Variants in ZNF276 observed in about 807,000 individuals in gnomAD.
The protein encoded by ZNF276 is zinc finger protein 276.
A neutral mutation model predicts 63.9 loss-of-function variants in ZNF276; 59 were observed. The observed-to-expected ratio is 0.92, with a 90% CI of 0.75 to 1.15. The LOEUF is 1.15. Among genes scored for constraint, ZNF276 ranks in the 50% most tolerant of loss-of-function variants. The pLI, the probability that ZNF276 is intolerant of heterozygous loss-of-function variation, is 0.00. For missense variants in ZNF276, 1,084 were observed against 843.8 expected (o/e 1.28, Z -3.53); for synonymous variants, 496 against 348.4 (o/e 1.42, Z -4.72).
intron 8 of ZNF276, 124 bp from the exon 9 acceptor site, chr16:89,733,797 C>T (rs764487897): frequency 1.6e-5 from 15 of 948,074 alleles, no homozygotes; most frequent in African/African-American, 3.3e-5. Context: ...GTGAAGGAGC[C>T]AGTGGTGTCG....
chr16:89,738,142 C>G lies in ZNF276; in HGVS notation c.1741C>G (p.Gln581Glu). ...VHMSMVHPLTQTQDKALPLEA... is the reference protein window; with the variant it reads ...VHMSMVHPLTETQDKALPLEA... ...CATGTCCATGGTGCACCCGCTGACA[C>G]AGACCCAGGACAAGGCCCTGCCCCT... The change falls in exon 11 of 11, where the codon CAG becomes GAG. Residue 581 changes from glutamine (Q) to glutamate (E), a missense_variant. Transcript: ENST00000443381. The G allele has an allele frequency of 6.2e-7, 1 of 1,613,700 alleles. No homozygotes were observed. The highest frequency in any genetic ancestry group is 8.5e-7 in the Non-Finnish European group (1 of 1,180,014).
At chr16:89,733,208 C>A in intron 6 of ZNF276, 94 bp from the exon 7 acceptor site, 1 of 1,205,188 alleles carries the variant, frequency 8.3e-7, no homozygotes, top group Non-Finnish European at 1.2e-6. Context: ...CTCAGGGAAG[C>A]TTCAGAAAAG....
At chr16:89,722,485 G>C in intron 1 of ZNF276, 46 bp from the exon 2 acceptor site, 1 of 1,564,242 alleles carries the variant, frequency 6.4e-7, no homozygotes, top group Non-Finnish European at 8.7e-7. Context: ...CCTGTGCTCA[G>C]GAGCCTCCTT....
intron 5 of ZNF276, among the ~76,000 whole-genome samples, chr16:89,728,958 C>G (rs188721322): frequency 2.6e-5 from 4 of 152,346 alleles, no homozygotes; most frequent in Admixed American, 1.3e-4. Context: ...TGAGCGCCTC[C>G]ACCCCTTCTG....
intron 8 of ZNF276, 152 bp from the exon 9 acceptor site, chr16:89,733,769 G>A (rs1218562240): frequency 2.3e-6 from 2 of 867,362 alleles, no homozygotes; most frequent in Non-Finnish European, 3.6e-6. Flanking sequence ...GGGTCTAGAA[G>A]TTTCTTGGAG....
At chr16:89,730,356 G>A (rs1231847950) in intron 6 of ZNF276, among the ~76,000 whole-genome samples, 1 of 152,178 alleles carries the variant, frequency 6.6e-6, no homozygotes, top group African/African-American at 2.4e-5. Flanking sequence ...TCCGGGTTGA[G>A]TCTGAATCCC....
At chr16:89,733,611 G>T in intron 8 of ZNF276, 54 bp downstream of exon 8, 1 of 1,595,506 alleles carries the variant, frequency 6.3e-7, no homozygotes, top group South Asian at 1.1e-5. Context: ...GTGAACCTGG[G>T]GGAGGTAGCA....
intron 9 of ZNF276, 78 bp downstream of exon 9, chr16:89,734,116 A>C (rs966162590): frequency 2.6e-5 from 36 of 1,365,878 alleles, no homozygotes; most frequent in Non-Finnish European, 3.6e-5. Context: ...CCTCATACCC[A>C]TCCCCGCCCC....
chr16:89,733,299 C>G lies in ZNF276; in HGVS notation c.1170-3C>G, dbSNP rs953381985. On this transcript the variant is annotated splice_region_variant and splice_polypyrimidine_tract_variant and intron_variant, in intron 6 of 10. Coordinates refer to ENST00000443381, the MANE Select transcript of ZNF276 (RefSeq NM_001113525.2). ...ATTGAATTTGGGAACCTCTTTTTTT[C>G]AGAGTCTCTGGTAAGAAGAGTGAAA... 6.2e-7 allele frequency: 1 copy of G among 1,605,008 alleles called. No homozygotes were observed. Among genetic ancestry groups the G allele is most frequent in the Admixed American group, 1.8e-5 (1 of 56,688 alleles).
chr16:89,729,139 A>C, intron 5 of ZNF276, 96 bp from the exon 6 acceptor site: 1 of 958,454 alleles, frequency 1.0e-6, no homozygotes, highest in South Asian at 1.4e-5. Context: ...AATGTGGGAC[A>C]TGGGGGTCCA....
intron 9 of ZNF276, among the ~76,000 whole-genome samples, chr16:89,735,754 A>G (rs2061842244): frequency 6.6e-6 from 1 of 151,972 alleles, no homozygotes; most frequent in South Asian, 2.1e-4. Context: ...CACTCTTATC[A>G]CCATGGCTGG....
intron 7 of ZNF276, 25 bp from the exon 8 acceptor site, chr16:89,733,457 G>A (rs756424646): frequency 2.5e-6 from 4 of 1,613,992 alleles, no homozygotes; most frequent in South Asian, 2.2e-5. Context: ...CGGGGCCGGG[G>A]CTCCATGCAT....
Position 89,723,453 on chromosome 16 carries a change from C to A in ZNF276, c.750C>A (p.Ala250=), listed in dbSNP as rs1444542027. Reference sequence around the variant, plus strand: ...TGGATACCAGCTCCAGCTGCAAGGCCTTCTTGCTGGACAGTGCGCTGGCAG... The same window carrying A: ...TGGATACCAGCTCCAGCTGCAAGGCATTCTTGCTGGACAGTGCGCTGGCAG... ...YTMDTSSSCK[A]FLLDSALAVK... Residue 250 remains alanine (A), a synonymous_variant, in exon 4 of 11, where the codon GCC becomes GCA. Coordinates refer to ENST00000443381, the MANE Select transcript of ZNF276 (RefSeq NM_001113525.2). 1 of 1,613,040 alleles carries A rather than the reference C, an allele frequency of 6.2e-7. No homozygotes were observed. The highest frequency in any genetic ancestry group is 1.7e-5 in the Admixed American group (1 of 60,030).
At chr16:89,733,798 A>G in intron 8 of ZNF276, 123 bp from the exon 9 acceptor site, 1 of 950,564 alleles carries the variant, frequency 1.1e-6, no homozygotes, top group Non-Finnish European at 1.6e-6. Flanking sequence ...TGAAGGAGCC[A>G]GTGGTGTCGC....
chr16:89,721,687 G>C lies in ZNF276; in HGVS notation c.47G>C (p.Arg16Pro), dbSNP rs1321082072. ...LGRFLSPGSS[R>P]QCGASDGGGG... Reference sequence around the variant, plus strand: ...CGCTTCCTGTCTCCTGGGTCGTCCCGACAGTGCGGGGCCTCGGACGGCGGC... The same window carrying C: ...CGCTTCCTGTCTCCTGGGTCGTCCCCACAGTGCGGGGCCTCGGACGGCGGC... The change falls in exon 1 of 11, where the codon CGA becomes CCA. Residue 16 changes from arginine (R) to proline (P), a missense_variant. Physicochemically the swap from Arg to Pro is moderately radical, Grantham distance 103. Transcript: ENST00000443381. 4 of 1,424,654 alleles carry C rather than the reference G, an allele frequency of 2.8e-6. No individual in the cohort carries two copies. The African/African-American group carries it at 4.5e-5, about 16-fold the overall frequency. 88.3% of individuals were successfully genotyped at this position (1,424,654 alleles called of 1,614,324 possible).
At position 89,733,467 on chromosome 16, in the gene ZNF276, T is replaced by C. The variant is rs1395172857; in HGVS notation, c.1281-15T>C. On this transcript the variant is annotated splice_polypyrimidine_tract_variant and intron_variant, in intron 7 of 10. Transcript: ENST00000443381. ...CCTGTCGGGGCCGGGGCTCCATGCA[T>C]GCTCTTCATTGCAGGGAGGAGCTTC... 6.2e-7 allele frequency: 1 copy of C among 1,614,132 alleles called. No individual in the cohort carries two copies. Among genetic ancestry groups the C allele is most frequent in the Admixed American group, 1.7e-5 (1 of 60,028 alleles).
chr16:89,720,771 G>T (rs1597949938), upstream of ZNF276: 1 of 1,451,512 alleles, frequency 6.9e-7, no homozygotes, highest in Non-Finnish European at 9.1e-7. Flanking sequence ...ACCCGGGGCC[G>T]GTTGCCGGTG....
intron 6 of ZNF276, chr16:89,731,924 C>T (rs762521743): frequency 2.0e-5 from 3 of 152,138 alleles, no homozygotes; most frequent in African/African-American, 7.2e-5. Context: ...TCTTTGTTTT[C>T]TTTTTCTTGC....
rs56216970 is a variant in ZNF276 at position 89,739,920 on chromosome 16, G to A, written c.*1674G>A. On this transcript the variant is annotated 3_prime_UTR_variant, in exon 11 of 11. Coordinates refer to ENST00000443381, the MANE Select transcript of ZNF276 (RefSeq NM_001113525.2). The stretch of plus-strand genomic sequence containing the variant: ...TAGCAAGGAACCTCAAGGAGGGCTC[G>A]TTCTTAACCATTTGCAAGATGCCTC... The A allele has an allele frequency of 3.7e-6, 6 of 1,600,562 alleles. No homozygotes were observed. The highest frequency in any genetic ancestry group is 3.3e-5 in the South Asian group (3 of 89,858).
Sources: allele counts gnomAD v4.1 joint callset (sites outside exome capture counted in the v4.1 genomes callset), GRCh38; gene constraint gnomAD v4.1.1; transcripts MANE v1.5; gene names NCBI Gene and HGNC (gene_info 2026-07-23, HGNC 2026-07-21).